MCC: variants seen among roughly 807,000 people sequenced by gnomAD.
The protein encoded by MCC is colorectal mutant cancer protein.
A neutral mutation model predicts 116.2 loss-of-function variants in MCC; 90 were observed. That is an observed-to-expected ratio of 0.77 (90% CI 0.65 to 0.92). The LOEUF is 0.92. MCC is among the 40% of genes least tolerant of loss of function. The pLI is 0.00. For missense variants in MCC, 1,516 were observed against 1,312.2 expected, an observed-to-expected ratio of 1.16 and a Z score of -2.40; for synonymous variants, 578 against 510.5, an observed-to-expected ratio of 1.13 and a Z score of -1.78.
chr5:113,340,845 C>A, intron 2 of MCC, 115 bp from the exon 3 acceptor site: 1 of 765,032 alleles, frequency 1.3e-6, no homozygotes. Context: ...CATCTCAGAA[C>A]ACATGTGATG....
At chr5:113,459,655 A>T (rs13174075) in intron 1 of MCC, among the ~76,000 whole-genome samples, 24,342 of 152,140 alleles carry the variant, frequency 0.16, 2,105 homozygotes, top group Non-Finnish European at 0.2. Flanking sequence ...CAGGACCAGA[A>T]GGAGCCATAT....
intron 1 of MCC, among the ~76,000 whole-genome samples, chr5:113,473,716 C>T (rs1054708205): frequency 3.9e-5 from 6 of 152,090 alleles, no homozygotes; most frequent in Non-Finnish European, 7.4e-5. Context: ...AATACTATTA[C>T]TGCATGGAAT....
rs1469586312 is a variant in MCC at position 113,434,891 on chromosome 5, G to A, written c.171-49679C>T. 29 of 1,560,020 alleles carry A rather than the reference G, an allele frequency of 1.9e-5. No homozygotes were observed. Among genetic ancestry groups the A allele is most frequent in the Middle Eastern group, 4.3e-4 (2 of 4,612 alleles). On this transcript the variant is annotated intron_variant, in intron 1 of 18. Transcript: ENST00000408903. The surrounding 1 kb of genome is among the most constrained non-coding windows in gnomAD (Gnocchi z 4.2). ...AGGCTGCCCTCTACAGCCCCGAGGC[G>A]CATGGGCCAGCAGTGTGCTCATTTA...
chr5:113,454,216 C>T (rs921550423), intron 1 of MCC, among the ~76,000 whole-genome samples: 11 of 152,160 alleles, frequency 7.2e-5, no homozygotes, highest in African/African-American at 1.2e-4. Flanking sequence ...GTGATCCTCC[C>T]GTCTCAGCCT....
chr5:113,101,142 T>G (rs188969570), intron 8 of MCC, among the ~76,000 whole-genome samples: 2 of 152,168 alleles, frequency 1.3e-5, no homozygotes, highest in African/African-American at 4.8e-5. Flanking sequence ...CTAGGGTGAA[T>G]AGCAGGAGTC....
At chr5:113,103,827 C>G (rs987184162) in intron 7 of MCC, among the ~76,000 whole-genome samples, 2 of 152,230 alleles carry the variant, frequency 1.3e-5, no homozygotes, top group African/African-American at 4.8e-5. Context: ...AAATCGTATT[C>G]TAGAGGCCTT....
intron 3 of MCC, among the ~76,000 whole-genome samples, chr5:113,237,876 T>C (rs2150337590): frequency 6.6e-6 from 1 of 152,350 alleles, no homozygotes; most frequent in South Asian, 2.1e-4. Flanking sequence ...ATCTCATGCC[T>C]GAAGTATCAG....
intron 3 of MCC, among the ~76,000 whole-genome samples, chr5:113,155,481 T>C (rs1760124191): frequency 6.6e-6 from 1 of 152,214 alleles, no homozygotes; most frequent in South Asian, 2.1e-4. Flanking sequence ...ATAATGGTTG[T>C]CCTAATTTAC....
Position 113,284,554 on chromosome 5 carries a change from C to A in MCC, c.627+55965G>T, listed in dbSNP as rs565218472. On this transcript the variant is annotated intron_variant, in intron 3 of 18. Coordinates refer to ENST00000408903, the MANE Select transcript of MCC (RefSeq NM_001085377.2). Reference sequence around the variant, plus strand: ...TTGAGGCAGAAGAGAAAAAAATATCCCTGGGAATTAGAAAAATAAAATCTC... The same window carrying A: ...TTGAGGCAGAAGAGAAAAAAATATCACTGGGAATTAGAAAAATAAAATCTC... Among the ~76,000 whole-genome samples the A allele has an allele frequency of 2.9e-3, 439 of 152,150 alleles. 6 individuals are homozygous for A. Among genetic ancestry groups the A allele is most frequent in the Middle Eastern group, 0.01 (3 of 294 alleles).
Position 113,053,888 on chromosome 5 carries a change from T to C in MCC, c.2285A>G (p.Tyr762Cys). 2 of 1,614,144 alleles carry C rather than the reference T, an allele frequency of 1.2e-6. No homozygotes were observed. Among genetic ancestry groups the C allele is most frequent in the Non-Finnish European group, 1.7e-6 (2 of 1,180,014 alleles). Residue 762 changes from tyrosine (Y) to cysteine (C), a missense_variant, in exon 15 of 19, where the codon TAT (tyrosine) becomes TGT (cysteine). Physicochemically the swap from Tyr to Cys is radical, Grantham distance 194. Coordinates refer to ENST00000408903, the MANE Select transcript of MCC (RefSeq NM_001085377.2). ...TKEDEQRLKD[Y>C]IQQLKNDRAA... is the part of the protein sequence containing the mutation. ...CCTGTCATTCTTGAGCTGCTGGATA[T>C]AATCCTTCAGCCTCTGCTCGTCTTC...
At chr5:113,439,801 A>G (rs1486424474) in intron 1 of MCC, among the ~76,000 whole-genome samples, 1 of 152,276 alleles carries the variant, frequency 6.6e-6, no homozygotes, top group Non-Finnish European at 1.5e-5. Context: ...TATAATACTT[A>G]GCAAAAGGCT....
intron 3 of MCC, among the ~76,000 whole-genome samples, chr5:113,313,026 G>A (rs1333331511): frequency 6.6e-6 from 1 of 152,094 alleles, no homozygotes; most frequent in Non-Finnish European, 1.5e-5. Context: ...TGTTAACCCA[G>A]AGAAATATGA....
At chr5:113,121,937 G>A (rs1260997913) in intron 6 of MCC, among the ~76,000 whole-genome samples, 4 of 152,168 alleles carry the variant, frequency 2.6e-5, no homozygotes, top group African/African-American at 7.2e-5. Context: ...TATCCAGGTA[G>A]GCAAGACCAG....
At chr5:113,237,103 A>T (rs531236935) in intron 3 of MCC, among the ~76,000 whole-genome samples, 2 of 152,214 alleles carry the variant, frequency 1.3e-5, no homozygotes, top group East Asian at 3.8e-4. Context: ...TGTTCAAAGG[A>T]AACTTGGAAA....
intron 1 of MCC, among the ~76,000 whole-genome samples, chr5:113,465,736 CAATA>C (rs1218369771): frequency 1.3e-5 from 2 of 151,842 alleles, no homozygotes; most frequent in African/African-American, 4.8e-5. Context: ...TACAGATAGT[CAATA>C]AATAAATGAA....
chr5:113,071,041 T>C (rs1369753396), intron 12 of MCC, 53 bp downstream of exon 12: 1 of 1,573,146 alleles, frequency 6.4e-7, no homozygotes, highest in African/African-American at 1.4e-5. Context: ...TGAAGGTTAC[T>C]CTGGATGCAC....
intron 3 of MCC, among the ~76,000 whole-genome samples, chr5:113,209,220 C>T (rs1763025253): frequency 6.6e-6 from 1 of 152,308 alleles, no homozygotes; most frequent in Admixed American, 6.5e-5. Context: ...AAAAACTCAT[C>T]TGATTTTAGG....
At chr5:113,135,704 A>G (rs1401523978) in intron 5 of MCC, among the ~76,000 whole-genome samples, 1 of 152,026 alleles carries the variant, frequency 6.6e-6, no homozygotes, top group African/African-American at 2.4e-5. Context: ...TACGTAACCT[A>G]CCTACTAAAT....
chr5:113,339,436 T>TGTGTGTGC (rs1554077379), intron 3 of MCC, among the ~76,000 whole-genome samples: 5 of 127,590 alleles, frequency 3.9e-5, no homozygotes, highest in African/African-American at 1.5e-4. Context: ...TGTGTGTGTG[T>TGTGTGTGC]GTGCGTGCAT....
Sources: gnomAD v4.1 joint callset for allele counts (sites outside exome capture counted in the v4.1 genomes callset) on GRCh38, gnomAD v4.1.1 for gene constraint, Gnocchi (gnomAD v3.1) non-coding constraint, MANE v1.5 for transcripts, NCBI Gene and HGNC (gene_info 2026-07-23, HGNC 2026-07-21) for gene names.